The following TES variants were observed in gnomAD, a reference collection of about 807,000 sequenced individuals.
TES encodes the protein testin.
TES carries 41 observed loss-of-function variants against 48.2 expected under a neutral mutation model. That is an observed-to-expected ratio of 0.85 (90% confidence interval 0.66 to 1.10). The LOEUF (loss-of-function observed/expected upper bound fraction) is 1.10. TES is among the 50% of genes least tolerant of loss of function. The probability of loss-of-function intolerance (pLI) is 0.00; values close to 1 mark genes in which losing one functional copy is unlikely to be tolerated. For missense variants in TES, 463 were observed against 515.1 expected (o/e 0.90, Z 0.98); for synonymous variants, 162 against 174.9 (o/e 0.93, Z 0.58).
chr7:116,216,627 T>C (rs12666168), intron 1 of TES, among the ~76,000 whole-genome samples: 50,602 of 151,690 alleles, frequency 0.33, 8,899 homozygotes, highest in East Asian at 0.57. Flanking sequence ...GGAGATGGCA[T>C]AGTTTAAATG....
intron 1 of TES, among the ~76,000 whole-genome samples, chr7:116,223,306 A>C (rs1799579629): frequency 1.3e-5 from 2 of 152,230 alleles, no homozygotes; most frequent in South Asian, 4.1e-4. Flanking sequence ...AATTTGAATC[A>C]AGTAATTTTG....
Position 116,210,690 on chromosome 7 carries a change from C to T in TES, c.-18C>T. 1 of 1,291,500 alleles carries T rather than the reference C, an allele frequency of 7.7e-7. No homozygotes were observed. 80.0% of individuals were successfully genotyped at this position (1,291,500 alleles called of 1,614,324 possible). A position where few individuals can be genotyped will look rare whatever the true frequency, so the allele number is the denominator to read the frequency against. On this transcript the variant is annotated 5_prime_UTR_variant, in exon 1 of 7. Coordinates refer to ENST00000358204, the MANE Select transcript of TES (RefSeq NM_015641.4). ...GATCCCGGATAGGAGGAGGAGGGGACCCATAGGACGCGTTAACATGGACCT... is the reference window on the plus strand; with the variant it reads ...GATCCCGGATAGGAGGAGGAGGGGATCCATAGGACGCGTTAACATGGACCT...
At chr7:116,231,330 TAAG>T (rs1200321015) in intron 1 of TES, among the ~76,000 whole-genome samples, 2 of 152,216 alleles carry the variant, frequency 1.3e-5, no homozygotes, top group Non-Finnish European at 2.9e-5. Context: ...ATAGCTATTT[TAAG>T]AATATATTGA....
chr7:116,215,672 C>T (rs1450456554), intron 1 of TES, among the ~76,000 whole-genome samples: 1 of 152,108 alleles, frequency 6.6e-6, no homozygotes, highest in Non-Finnish European at 1.5e-5. Flanking sequence ...GTAACAGTGA[C>T]CCTGTATTTG....
chr7:116,220,897 C>A (rs1273563452), intron 1 of TES, among the ~76,000 whole-genome samples: 1 of 152,090 alleles, frequency 6.6e-6, no homozygotes, highest in Non-Finnish European at 1.5e-5. Flanking sequence ...AGTATGGTGC[C>A]TACACATAGA....
At chr7:116,214,933 G>A (rs1326415123) in intron 1 of TES, among the ~76,000 whole-genome samples, 1 of 152,048 alleles carries the variant, frequency 6.6e-6, no homozygotes, top group Non-Finnish European at 1.5e-5. Context: ...CCCAAAACAT[G>A]TTATTGGTAA....
At chr7:116,233,139 A>G (rs376655863) in intron 1 of TES, among the ~76,000 whole-genome samples, 1 of 152,192 alleles carries the variant, frequency 6.6e-6, no homozygotes, top group Non-Finnish European at 1.5e-5. Flanking sequence ...TTGAACTGCT[A>G]CTCTAGGCAC....
chr7:116,219,897 A>G (rs1292613785), intron 1 of TES, among the ~76,000 whole-genome samples: 4 of 152,126 alleles, frequency 2.6e-5, no homozygotes, highest in Non-Finnish European at 1.5e-5. Context: ...ACTGTAGAGG[A>G]AAGTTAACTT....
intron 1 of TES, among the ~76,000 whole-genome samples, chr7:116,215,450 G>T (rs574876453): frequency 2.0e-5 from 3 of 152,226 alleles, no homozygotes; most frequent in East Asian, 3.9e-4. Context: ...TCCCTTTAGT[G>T]TAAGTTGCCA....
At chr7:116,227,088 TTTTA>T (rs10562977) in intron 1 of TES, among the ~76,000 whole-genome samples, 43,617 of 139,714 alleles carry the variant, frequency 0.31, 7,040 homozygotes, top group Admixed American at 0.37. Context: ...ACACTTTTTA[TTTTA>T]TTTATTTATT....
chr7:116,227,721 T>C (rs1302578343), intron 1 of TES, among the ~76,000 whole-genome samples: 1 of 152,084 alleles, frequency 6.6e-6, no homozygotes, highest in East Asian at 1.9e-4. Flanking sequence ...GTATATATGA[T>C]AGGTGGATAA....
At position 116,258,464 on chromosome 7, in the gene TES, C is replaced by G. The variant is rs1015387435; in HGVS notation, c.*982C>G. ...TTTTGGCTTGGACATAAAAGCCAAGCCACCCATTTGCTTTTAATCCAAAGA... is the reference window on the plus strand; with the variant it reads ...TTTTGGCTTGGACATAAAAGCCAAGGCACCCATTTGCTTTTAATCCAAAGA... On this transcript the variant is annotated 3_prime_UTR_variant, in exon 7 of 7. Transcript: ENST00000358204. The G allele has an allele frequency of 3.3e-5, 5 of 152,602 alleles. No individual in the cohort carries two copies. The highest frequency in any genetic ancestry group is 1.3e-4 in the Admixed American group (2 of 15,270). 9.5% of individuals were successfully genotyped at this position (152,602 alleles called of 1,614,324 possible).
Position 116,252,376 on chromosome 7 carries a change from TC to T in TES, c.978del (p.Cys327AlafsTer9). 6.2e-7 allele frequency: 1 copy of T among 1,614,162 alleles called. No individual in the cohort carries two copies. Among genetic ancestry groups the T allele is most frequent in the Non-Finnish European group, 8.5e-7 (1 of 1,179,986 alleles). On this transcript the variant is annotated frameshift_variant, in exon 6 of 7. Transcript: ENST00000358204. LOFTEE classifies it high-confidence loss of function. ...AACCAGAATTGGCACCTGAAACACT[TC>T]TGCTGCTTTGACTGTGATAGCATTC... ...AENQNWHLKHFCCFDCDSILA... is the reference protein window; with the variant it reads ...AENQNWHLKHXCCFDCDSILA...
At chr7:116,223,735 T>C (rs1171646813) in intron 1 of TES, among the ~76,000 whole-genome samples, 2 of 152,208 alleles carry the variant, frequency 1.3e-5, no homozygotes, top group Admixed American at 1.3e-4. Context: ...TAGATGCCCA[T>C]TGGGTGAAGA....
At chr7:116,229,640 T>C (rs560136430) in intron 1 of TES, among the ~76,000 whole-genome samples, 2 of 152,306 alleles carry the variant, frequency 1.3e-5, no homozygotes, top group South Asian at 2.1e-4. Flanking sequence ...AGAGTCCATA[T>C]GCTTCCCTTC....
At chr7:116,246,532 T>G (rs1799925155) in intron 2 of TES, among the ~76,000 whole-genome samples, 1 of 152,236 alleles carries the variant, frequency 6.6e-6, no homozygotes, top group African/African-American at 2.4e-5. Flanking sequence ...CATGACTTCA[T>G]GCCTACCTCT....
At chr7:116,231,454 A>AGGT (rs1249619146) in intron 1 of TES, among the ~76,000 whole-genome samples, 5 of 151,970 alleles carry the variant, frequency 3.3e-5, no homozygotes, top group Admixed American at 3.3e-4. Flanking sequence ...CATGTGCCCA[A>AGGT]GGTGGTCAGG....
At chr7:116,229,741 G>A (rs1002810271) in intron 1 of TES, among the ~76,000 whole-genome samples, 39 of 152,242 alleles carry the variant, frequency 2.6e-4, no homozygotes, top group Admixed American at 2.2e-3. Flanking sequence ...GTAGAGGTAT[G>A]TCTGCTACTG....
chr7:116,213,236 G>C (rs1400307314), intron 1 of TES, among the ~76,000 whole-genome samples: 15 of 152,146 alleles, frequency 9.9e-5, no homozygotes, highest in African/African-American at 2.4e-4. Flanking sequence ...TTGGTACCTA[G>C]TTTTCAAGTC....
Sources: gnomAD v4.1 joint callset for allele counts (sites outside exome capture counted in the v4.1 genomes callset) on GRCh38, gnomAD v4.1.1 for gene constraint, MANE v1.5 for transcripts, NCBI Gene and HGNC (gene_info 2026-07-23, HGNC 2026-07-21) for gene names.